The following SLC22A23 variants were observed in gnomAD, a reference collection of about 807,000 sequenced individuals.
The protein encoded by SLC22A23 is solute carrier family 22 member 23, also known as ion transporter protein.
SLC22A23 carries 26 observed loss-of-function variants against 61.0 expected under a neutral mutation model. The observed-to-expected ratio is 0.43, with a 90% CI of 0.31 to 0.59. The LOEUF (loss-of-function observed/expected upper bound fraction) is 0.59. Ranked by LOEUF, SLC22A23 falls within the 20% of genes least tolerant of loss-of-function variation. SLC22A23 has a pLI of 0.11. For synonymous variants in SLC22A23, 430 were observed against 413.9 expected, an observed-to-expected ratio of 1.04 and a Z score of -0.47; for missense variants, 796 against 934.7, an observed-to-expected ratio of 0.85 and a Z score of 1.94.
Position 3,308,091 on chromosome 6 carries a change from A to G in SLC22A23, c.1083-9873T>C, listed in dbSNP as rs907899755. Among the ~76,000 whole-genome samples, 3 of 152,232 alleles carry G rather than the reference A, an allele frequency of 2.0e-5. No individual in the cohort carries two copies. Among genetic ancestry groups the G allele is most frequent in the Non-Finnish European group, 4.4e-5 (3 of 68,044 alleles). On this transcript the variant is annotated intron_variant, in intron 4 of 9. Transcript: ENST00000406686. The surrounding 1 kb of genome is among the most constrained non-coding windows in gnomAD (Gnocchi z 5.1). ...GGATAGAGGAAGGTGAAAAAATTCT[A>G]GAAATGGATGGTGGAGATGGCTGCA...
rs542490194 is a variant in SLC22A23 at position 3,318,735 on chromosome 6, A to G, written c.1082+5099T>C. Among the ~76,000 whole-genome samples, 4 of 152,268 alleles carry G rather than the reference A, an allele frequency of 2.6e-5. No homozygotes were observed. The highest frequency in any genetic ancestry group is 3.9e-4 in the East Asian group (2 of 5,182). Reference sequence around the variant, plus strand: ...TTAACACAGGCTGCGGCCTCAGTCAAGTCTCCTGGTCACCTCATCCTGTCA... The same window carrying G: ...TTAACACAGGCTGCGGCCTCAGTCAGGTCTCCTGGTCACCTCATCCTGTCA... On this transcript the variant is annotated intron_variant, in intron 4 of 9. Coordinates refer to ENST00000406686, the MANE Select transcript of SLC22A23 (RefSeq NM_015482.2). The surrounding 1 kb of genome is among the most constrained non-coding windows in gnomAD (Gnocchi z 4.3).
At chr6:3,401,114 G>A (rs1196336527) in intron 3 of SLC22A23, among the ~76,000 whole-genome samples, 1 of 152,258 alleles carries the variant, frequency 6.6e-6, no homozygotes, top group Non-Finnish European at 1.5e-5. Context: ...GGCCGAGGTG[G>A]GTGGATCACT....
At chr6:3,341,606 G>A (rs1764157429) in intron 3 of SLC22A23, among the ~76,000 whole-genome samples, 1 of 152,212 alleles carries the variant, frequency 6.6e-6, no homozygotes, top group Non-Finnish European at 1.5e-5. Flanking sequence ...TGTAAATGCT[G>A]TGATTACCAA....
At chr6:3,429,550 T>C (rs1293627993) in intron 1 of SLC22A23, among the ~76,000 whole-genome samples, 1 of 152,132 alleles carries the variant, frequency 6.6e-6, no homozygotes, top group Non-Finnish European at 1.5e-5. Flanking sequence ...CTTTAAAAAA[T>C]AGTCTGTAGA....
chr6:3,290,107 C>T (rs1760441517), intron 5 of SLC22A23: 24 of 560,312 alleles, frequency 4.3e-5, no homozygotes, highest in South Asian at 3.1e-4. Context: ...CAAGGTGCAC[C>T]GTCAGCAGAA....
chr6:3,280,365 C>T (rs546861777), intron 9 of SLC22A23, among the ~76,000 whole-genome samples: 10 of 152,298 alleles, frequency 6.6e-5, no homozygotes, highest in Admixed American at 1.3e-4. Flanking sequence ...TCATCAGCAC[C>T]CTCCCCTCAT....
chr6:3,402,029 T>C (rs1768426399), intron 3 of SLC22A23, among the ~76,000 whole-genome samples: 1 of 152,108 alleles, frequency 6.6e-6, no homozygotes, highest in Non-Finnish European at 1.5e-5. Flanking sequence ...CTGAATCCCT[T>C]TTATCACCAT....
Position 3,287,928 on chromosome 6 carries a change from G to A in SLC22A23, c.1314-837C>T, listed in dbSNP as rs62392932. ...TCGAACTCCTGATCTCAAGTGATCC[G>A]CCTGCCTTGGCTTCCCAAAGTGTTG... On this transcript the variant is annotated intron_variant, in intron 6 of 9. Coordinates refer to ENST00000406686, the MANE Select transcript of SLC22A23 (RefSeq NM_015482.2). Among the ~76,000 whole-genome samples the A allele has an allele frequency of 1.1e-4, 17 of 152,230 alleles. No individual in the cohort carries two copies. In the East Asian group the frequency reaches 1.9e-3, roughly 17 times the overall value.
intron 3 of SLC22A23, among the ~76,000 whole-genome samples, chr6:3,362,643 C>A (rs1765554211): frequency 6.6e-6 from 1 of 151,896 alleles, no homozygotes; most frequent in Non-Finnish European, 1.5e-5. Flanking sequence ...AACTCTGGGG[C>A]CAGGCAGAAC....
In SLC22A23 at chr6:3,317,522, C is replaced by G. The variant is rs182010274; in HGVS notation, c.1082+6312G>C. Among the ~76,000 whole-genome samples the G allele has an allele frequency of 7.9e-5, 12 of 152,296 alleles. No homozygotes were observed. The highest frequency in any genetic ancestry group is 6.8e-3 in the Middle Eastern group (2 of 294). ...GATCTTGCATCTTCCCCGCCAACCC[C>G]TCGTTGTTGGCTGTGACCCTGGAAG... is the stretch of plus-strand genomic sequence containing the variant. On this transcript the variant is annotated intron_variant, in intron 4 of 9. Transcript: ENST00000406686. The surrounding 1 kb of genome is among the most constrained non-coding windows in gnomAD (Gnocchi z 4.4).
intron 4 of SLC22A23, among the ~76,000 whole-genome samples, chr6:3,310,671 G>C (rs1008856568): frequency 8.6e-4 from 78 of 90,458 alleles, no homozygotes; most frequent in Non-Finnish European, 1.7e-3. Flanking sequence ...ACCCTACGAG[G>C]TTGATCATTT....
intron 3 of SLC22A23, among the ~76,000 whole-genome samples, chr6:3,335,470 T>A (rs539623692): frequency 6.6e-6 from 1 of 152,346 alleles, no homozygotes; most frequent in Non-Finnish European, 1.5e-5. Flanking sequence ...GGGAATTTAG[T>A]GACAGCATCC....
rs1770457084 is a variant in SLC22A23 at position 3,425,916 on chromosome 6, A to T, written c.655-10061T>A. The stretch of plus-strand genomic sequence containing the variant: ...GCCCTAGTTCATACAAATAAATACA[A>T]TTCTCTGGTTTATATTAATTTGTTA... On this transcript the variant is annotated intron_variant, in intron 1 of 9. Transcript: ENST00000406686. 1.3e-5 allele frequency among the ~76,000 whole-genome samples: 2 copies of T among 152,208 alleles called. 1 individual carries two copies. Among genetic ancestry groups the T allele is most frequent in the South Asian group, 4.1e-4 (2 of 4,834 alleles).
chr6:3,308,799 C>G lies in SLC22A23; in HGVS notation c.1083-10581G>C, dbSNP rs1762165619. 6.6e-6 allele frequency among the ~76,000 whole-genome samples: 1 copy of G among 151,842 alleles called. No individual in the cohort carries two copies. Among genetic ancestry groups the G allele is most frequent in the African/African-American group, 2.4e-5 (1 of 41,324 alleles). On this transcript the variant is annotated intron_variant, in intron 4 of 9. Transcript: ENST00000406686. This position sits in a 1 kb window ranked among gnomAD's most constrained non-coding sequence, Gnocchi z 5.1. ...CTCTACTAAAAATACAGAAATTAGC[C>G]AAGCATGGTGGCGCAGGCCTGTAAT...
intron 5 of SLC22A23, among the ~76,000 whole-genome samples, chr6:3,295,442 G>A (rs1218246595): frequency 6.6e-6 from 1 of 152,108 alleles, no homozygotes; most frequent in Non-Finnish European, 1.5e-5. Flanking sequence ...CAGTGGCCTG[G>A]AGGACCTGGG....
rs1032109169 is a variant in SLC22A23 at position 3,427,466 on chromosome 6, T to G, written c.655-11611A>C. On this transcript the variant is annotated intron_variant, in intron 1 of 9. Coordinates refer to ENST00000406686, the MANE Select transcript of SLC22A23 (RefSeq NM_015482.2). The surrounding 1 kb of genome is among the most constrained non-coding windows in gnomAD (Gnocchi z 4.3). Reference sequence around the variant, plus strand: ...TTACTAGTTTTACATCCTGTCTGCATAGTCAGCACCAGATTAGAAAGTGGG... The same window carrying G: ...TTACTAGTTTTACATCCTGTCTGCAGAGTCAGCACCAGATTAGAAAGTGGG... Among the ~76,000 whole-genome samples, 13 of 152,188 alleles carry G rather than the reference T, an allele frequency of 8.5e-5. No homozygotes were observed. Among genetic ancestry groups the G allele is most frequent in the African/African-American group, 3.1e-4 (13 of 41,434 alleles).
chr6:3,276,409 G>T (rs563149110), intron 9 of SLC22A23, among the ~76,000 whole-genome samples: 1 of 151,990 alleles, frequency 6.6e-6, no homozygotes, highest in South Asian at 2.1e-4. Context: ...CCTCCCTGGC[G>T]CATCTTCTGC....
intron 3 of SLC22A23, among the ~76,000 whole-genome samples, chr6:3,350,174 T>G (rs1764681745): frequency 6.6e-6 from 1 of 152,216 alleles, no homozygotes; most frequent in African/African-American, 2.4e-5. Flanking sequence ...TAATTCTATT[T>G]TTTTCTTTAA....
At chr6:3,314,006 G>C (rs1382095942) in intron 4 of SLC22A23, among the ~76,000 whole-genome samples, 1 of 152,174 alleles carries the variant, frequency 6.6e-6, no homozygotes, top group Non-Finnish European at 1.5e-5. Context: ...TCCAGCCTGC[G>C]CAATAAGAGC....
Sources: gnomAD v4.1 joint callset for allele counts (sites outside exome capture counted in the v4.1 genomes callset) on GRCh38, gnomAD v4.1.1 for gene constraint, Gnocchi (gnomAD v3.1) non-coding constraint, MANE v1.5 for transcripts, NCBI Gene and HGNC (gene_info 2026-07-23, HGNC 2026-07-21) for gene names.